The following LAMA3 variants were observed in gnomAD, a reference collection of about 807,000 sequenced individuals.
The protein encoded by LAMA3 is laminin subunit alpha-3.
A neutral mutation model predicts 402.0 loss-of-function variants in LAMA3; 281 were observed. The ratio of observed to expected loss-of-function variants is 0.70; its 90% CI spans 0.63 to 0.77. The LOEUF is 0.77. Ranked by LOEUF, LAMA3 falls within the 30% of genes least tolerant of loss-of-function variation. The probability of loss-of-function intolerance (pLI) is 0.00; values close to 1 mark genes in which losing one functional copy is unlikely to be tolerated. For missense variants in LAMA3, 3,840 were observed against 4,215.5 expected (o/e 0.91, Z 2.47); for synonymous variants, 1,431 against 1,558.4 (o/e 0.92, Z 1.93).
intron 55 of LAMA3, among the ~76,000 whole-genome samples, chr18:23,911,987 A>T (rs1290378744): frequency 6.9e-6 from 1 of 144,154 alleles, no homozygotes; most frequent in East Asian, 1.9e-4. Flanking sequence ...TTAATATATT[A>T]AAATGTATAT....
intron 3 of LAMA3, among the ~76,000 whole-genome samples, chr18:23,748,673 TG>T (rs1731568273): frequency 6.6e-6 from 1 of 151,620 alleles, no homozygotes; most frequent in Non-Finnish European, 1.5e-5. Context: ...TGTGCACCTG[TG>T]GTCCCAGCTA....
rs753977535 is a variant in LAMA3 at position 23,775,903 on chromosome 18, A to G, written c.1385A>G (p.Tyr462Cys). ...DNCEKCAIGYYNFPFCLRIPI... is the reference protein window; with the variant it reads ...DNCEKCAIGYCNFPFCLRIPI... ...TGTGAGAAGTGTGCAATTGGATACT[A>G]CAATTTCCCATTTTGCTTGAGTAAG... The change falls in exon 10 of 75, where the codon TAC becomes TGC. Residue 462 changes from tyrosine to cysteine, a missense_variant. Physicochemically the swap from Tyr to Cys is radical, Grantham distance 194. Around this residue, in one of 3 missense-constraint regions of LAMA3, gnomAD observed 2,109 missense variants for 2,376.0 expected, o/e 0.89. Coordinates refer to ENST00000313654, the MANE Select transcript of LAMA3 (RefSeq NM_198129.4). 1 of 1,614,150 alleles carries G rather than the reference A, an allele frequency of 6.2e-7. No individual in the cohort carries two copies. The highest frequency in any genetic ancestry group is 8.5e-7 in the Non-Finnish European group (1 of 1,180,016).
chr18:23,899,620 C>A, intron 47 of LAMA3, 165 bp downstream of exon 47: 1 of 696,590 alleles, frequency 1.4e-6, no homozygotes, highest in Non-Finnish European at 2.5e-6. Context: ...CCCCAGGAGT[C>A]CCAGGTTACC....
Position 23,904,644 on chromosome 18 carries a change from G to A in LAMA3, c.6565G>A (p.Ala2189Thr). 9 of 1,613,974 alleles carry A rather than the reference G, an allele frequency of 5.6e-6. No individual in the cohort carries two copies. The highest frequency in any genetic ancestry group is 1.7e-4 in the Middle Eastern group (1 of 6,016). The part of the protein sequence containing the change: ...YENILNAIKA[A>T]EDAANRAASA... ...GAACATCCTCAATGCCATCAAAGCG[G>A]CCGAGGACGCAGCCAACAGGGCTGC... Residue 2189 changes from alanine to threonine, a missense_variant, in exon 51 of 75, where the codon GCC (alanine) becomes ACC (threonine). Transcript: ENST00000313654.
intron 40 of LAMA3, among the ~76,000 whole-genome samples, chr18:23,884,231 G>A (rs73967620): frequency 6.6e-6 from 1 of 152,302 alleles, no homozygotes; most frequent in African/African-American, 2.4e-5. Flanking sequence ...AAAAAAAAGT[G>A]AGAATCAGCA....
In LAMA3 at chr18:23,904,516, A is replaced by G. The variant is rs2081178016; in HGVS notation, c.6474-37A>G. 7 of 1,566,698 alleles carry G rather than the reference A, an allele frequency of 4.5e-6. No individual in the cohort carries two copies. The South Asian group carries it at 7.0e-5, about 16-fold the overall frequency. ...GGGGATGTCAGCTGCTGGCAGAGGA[A>G]GGCTGTGGGGAGTGGCTAACCTGCC... On this transcript the variant is annotated intron_variant, in intron 50 of 74. Transcript: ENST00000313654.
At chr18:23,698,050 T>C (rs1191979440) in intron 1 of LAMA3, among the ~76,000 whole-genome samples, 1 of 149,908 alleles carries the variant, frequency 6.7e-6, no homozygotes, top group Non-Finnish European at 1.5e-5. Context: ...TCATTTTACC[T>C]TAATTATCTC....
At chr18:23,738,061 T>A (rs1466315396) in intron 2 of LAMA3, among the ~76,000 whole-genome samples, 1 of 151,892 alleles carries the variant, frequency 6.6e-6, no homozygotes, top group Non-Finnish European at 1.5e-5. Flanking sequence ...TTTAAATCAA[T>A]CGTCGGTGGT....
At chr18:23,867,791 TC>T in intron 36 of LAMA3, 42 bp from the exon 37 acceptor site, 1 of 1,406,428 alleles carries the variant, frequency 7.1e-7, no homozygotes, top group Non-Finnish European at 1.0e-6. Context: ...TCTTGAAAGA[TC>T]CCAGTGAAGG....
Position 23,761,845 on chromosome 18 carries a change from T to A in LAMA3, c.1064-1560T>A, listed in dbSNP as rs550327561. Among the ~76,000 whole-genome samples, 103 of 152,322 alleles carry A rather than the reference T, an allele frequency of 6.8e-4. 3 individuals carry two copies. In the South Asian group the frequency reaches 0.021, roughly 31 times the overall value. On this transcript the variant is annotated intron_variant, in intron 7 of 74. Coordinates refer to ENST00000313654, the MANE Select transcript of LAMA3 (RefSeq NM_198129.4). ...AATACATTAGTTGTTAAGGGAAAAATTAGAGCTACATACTGGTCTTTCACA... is the reference window on the plus strand; with the variant it reads ...AATACATTAGTTGTTAAGGGAAAAAATAGAGCTACATACTGGTCTTTCACA...
chr18:23,698,915 TAGAG>T (rs1003642917), intron 1 of LAMA3, among the ~76,000 whole-genome samples: 2 of 152,028 alleles, frequency 1.3e-5, no homozygotes, highest in African/African-American at 4.8e-5. Flanking sequence ...TATTTTGCCT[TAGAG>T]AGAATAAACA....
At chr18:23,913,033 GC>G in intron 56 of LAMA3, 152 bp downstream of exon 56, 1 of 759,762 alleles carries the variant, frequency 1.3e-6, no homozygotes, top group Non-Finnish European at 2.2e-6. Context: ...CTTCCTCCCT[GC>G]CCACCTCCCC....
intron 41 of LAMA3, 32 bp from the exon 42 acceptor site, chr18:23,889,979 G>C: frequency 6.7e-7 from 1 of 1,485,660 alleles, no homozygotes; most frequent in Non-Finnish European, 9.4e-7. Context: ...GAGTTATTTG[G>C]GTGTTTCTCC....
At chr18:23,743,571 C>A (rs1318955898) in intron 2 of LAMA3, among the ~76,000 whole-genome samples, 1 of 152,198 alleles carries the variant, frequency 6.6e-6, no homozygotes, top group Non-Finnish European at 1.5e-5. Context: ...TCAGAGCATG[C>A]AGCACTGGGG....
chr18:23,887,071 C>G (rs56947092), intron 41 of LAMA3, among the ~76,000 whole-genome samples: 5,245 of 152,320 alleles, frequency 0.034, 296 homozygotes, highest in African/African-American at 0.12. Flanking sequence ...TTGCCTTACA[C>G]TTATTCAGTT....
intron 12 of LAMA3, among the ~76,000 whole-genome samples, chr18:23,797,510 T>C (rs1259546738): frequency 6.6e-6 from 1 of 152,194 alleles, no homozygotes; most frequent in African/African-American, 2.4e-5. Context: ...GGTCAGGAGT[T>C]CTAGACCAGC....
intron 34 of LAMA3, among the ~76,000 whole-genome samples, chr18:23,860,142 T>C (rs1280645055): frequency 6.6e-6 from 1 of 152,214 alleles, no homozygotes; most frequent in African/African-American, 2.4e-5. Context: ...GCATCTCTCA[T>C]GATGTCTTGT....
chr18:23,894,970 T>C lies in LAMA3; in HGVS notation c.5525T>C (p.Leu1842Pro), dbSNP rs1217424175. 4 of 1,614,120 alleles carry C rather than the reference T, an allele frequency of 2.5e-6. No homozygotes were observed. The highest frequency in any genetic ancestry group is 1.7e-5 in the Admixed American group (1 of 60,026). Residue 1842 changes from leucine to proline, a missense_variant, in exon 44 of 75, where the codon CTG becomes CCG. Transcript: ENST00000313654. ...DLATMGEQLR[L>P]VKSQLQGLSA... is the part of the protein sequence containing the mutation. ...GCCACCATGGGCGAGCAGCTCCGCC[T>C]GGTCAAGTCTCAGCTGCAGGGCCTG... is the stretch of plus-strand genomic sequence containing the variant.
intron 55 of LAMA3, among the ~76,000 whole-genome samples, chr18:23,910,599 A>C (rs1229718463): frequency 6.6e-6 from 1 of 152,178 alleles, no homozygotes; most frequent in Non-Finnish European, 1.5e-5. Flanking sequence ...TGTATCTTCA[A>C]AACCCCCAGT....
Sources: gnomAD v4.1 joint callset for allele counts (sites outside exome capture counted in the v4.1 genomes callset) on GRCh38, gnomAD v4.1.1 for gene constraint, gnomAD v4.1.1 regional missense constraint, MANE v1.5 for transcripts, NCBI Gene and HGNC (gene_info 2026-07-23, HGNC 2026-07-21) for gene names.